Variants in NEK11 observed in about 807,000 individuals in gnomAD.
The protein encoded by NEK11 is serine/threonine-protein kinase Nek11.
A neutral mutation model predicts 80.7 loss-of-function variants in NEK11; 72 were observed. The observed-to-expected ratio is 0.89, with a 90% CI of 0.74 to 1.08. NEK11 has a LOEUF of 1.08. Among genes scored for constraint, NEK11 ranks in the 50% least tolerant of loss-of-function variants. NEK11 has a pLI of 0.00. For missense variants in NEK11, 764 were observed against 763.6 expected, an observed-to-expected ratio of 1.00 and a Z score of -0.01; for synonymous variants, 251 against 260.7, an observed-to-expected ratio of 0.96 and a Z score of 0.36.
intron 4 of NEK11, among the ~76,000 whole-genome samples, chr3:131,107,429 T>C (rs1279436379): frequency 6.6e-6 from 1 of 152,098 alleles, no homozygotes; most frequent in Non-Finnish European, 1.5e-5. Flanking sequence ...CAAATTTTTC[T>C]TTTCCTTTTT....
At chr3:131,179,212 A>G (rs1190652590) in intron 14 of NEK11, among the ~76,000 whole-genome samples, 1 of 152,156 alleles carries the variant, frequency 6.6e-6, no homozygotes, top group Admixed American at 6.5e-5. Flanking sequence ...AGCCCTTACC[A>G]CACAACCGAA....
chr3:131,267,445 T>C (rs940812852), intron 16 of NEK11, among the ~76,000 whole-genome samples: 2 of 152,278 alleles, frequency 1.3e-5, no homozygotes, highest in South Asian at 4.1e-4. Flanking sequence ...CCCTCGCTTA[T>C]GAAGCTTAGT....
At chr3:131,243,415 A>T (rs1194686426) in intron 15 of NEK11, 21 bp from the exon 16 acceptor site, 1 of 1,606,892 alleles carries the variant, frequency 6.2e-7, no homozygotes, top group Admixed American at 1.7e-5. Flanking sequence ...GAAAATAAAC[A>T]TTTCTCCCTT....
intron 4 of NEK11, among the ~76,000 whole-genome samples, chr3:131,107,459 C>T (rs1027538506): frequency 4.0e-5 from 6 of 151,844 alleles, no homozygotes; most frequent in African/African-American, 1.2e-4. Context: ...TGTCTTCATC[C>T]TCTTCTCTCT....
At chr3:131,138,813 G>C (rs1259045114) in intron 7 of NEK11, among the ~76,000 whole-genome samples, 1 of 152,198 alleles carries the variant, frequency 6.6e-6, no homozygotes, top group Non-Finnish European at 1.5e-5. Context: ...AAGAACTACA[G>C]TGTTACTGGG....
chr3:131,073,172 A>G (rs774976576), intron 3 of NEK11, among the ~76,000 whole-genome samples: 2 of 152,164 alleles, frequency 1.3e-5, no homozygotes, highest in African/African-American at 2.4e-5. Flanking sequence ...CAGCCTTGAG[A>G]CATGTGCTCA....
At chr3:131,094,586 C>A (rs567969410) in intron 4 of NEK11, among the ~76,000 whole-genome samples, 57 of 152,298 alleles carry the variant, frequency 3.7e-4, no homozygotes, top group African/African-American at 1.3e-3. Context: ...AGCGCCTCTA[C>A]CACTGGAAAT....
chr3:131,098,775 C>T (rs570617479), intron 4 of NEK11, among the ~76,000 whole-genome samples: 23 of 151,900 alleles, frequency 1.5e-4, no homozygotes, highest in African/African-American at 5.5e-4. Flanking sequence ...GGGGTTTCAC[C>T]ATGTTGGTCA....
intron 17 of NEK11, among the ~76,000 whole-genome samples, chr3:131,298,290 C>G (rs975016988): frequency 6.6e-6 from 1 of 151,946 alleles, no homozygotes; most frequent in Admixed American, 6.6e-5. Context: ...ATTCTTCCTA[C>G]CCATGAGCAT....
intron 6 of NEK11, 103 bp downstream of exon 6, chr3:131,132,912 C>G (rs2084796830): frequency 7.0e-6 from 4 of 569,042 alleles, no homozygotes; most frequent in Non-Finnish European, 6.1e-6. Flanking sequence ...TTAGAGTAAT[C>G]ATTGGTTTGT....
At chr3:131,105,099 A>C (rs1020001220) in intron 4 of NEK11, among the ~76,000 whole-genome samples, 1 of 152,224 alleles carries the variant, frequency 6.6e-6, no homozygotes, top group Admixed American at 6.5e-5. Context: ...TGAGAGCAGC[A>C]TGCACTAACT....
chr3:131,099,695 G>A (rs2078072856), intron 4 of NEK11, among the ~76,000 whole-genome samples: 1 of 151,864 alleles, frequency 6.6e-6, no homozygotes, highest in African/African-American at 2.4e-5. Context: ...TCTATGGTTA[G>A]CTGTATTCCT....
chr3:131,128,288 A>G (rs966796248), intron 5 of NEK11, among the ~76,000 whole-genome samples: 1 of 152,202 alleles, frequency 6.6e-6, no homozygotes, highest in Non-Finnish European at 1.5e-5. Context: ...GCATGGCCCT[A>G]AAAATTCTCT....
At chr3:131,326,749 C>T (rs575277304) in intron 17 of NEK11, among the ~76,000 whole-genome samples, 2 of 152,326 alleles carry the variant, frequency 1.3e-5, no homozygotes, top group South Asian at 2.1e-4. Context: ...GGGACTTACA[C>T]ACCCAGAGCT....
intron 3 of NEK11, among the ~76,000 whole-genome samples, chr3:131,040,305 A>G (rs1040102074): frequency 6.6e-6 from 1 of 151,982 alleles, no homozygotes; most frequent in Admixed American, 6.6e-5. Context: ...ATATGAAAAA[A>G]AAAACACCCA....
intron 15 of NEK11, among the ~76,000 whole-genome samples, chr3:131,242,951 T>C (rs2095541084): frequency 6.6e-6 from 1 of 152,118 alleles, no homozygotes; most frequent in South Asian, 2.1e-4. Context: ...TATTCTTAGA[T>C]TTAGCACTCC....
At chr3:131,233,233 C>A (rs948190589) in intron 15 of NEK11, among the ~76,000 whole-genome samples, 3 of 152,124 alleles carry the variant, frequency 2.0e-5, no homozygotes, top group Non-Finnish European at 4.4e-5. Flanking sequence ...TTGCTGGAGT[C>A]CAGCACTGCG....
At chr3:131,194,992 T>C (rs1298728273) in intron 14 of NEK11, among the ~76,000 whole-genome samples, 2 of 152,162 alleles carry the variant, frequency 1.3e-5, no homozygotes, top group African/African-American at 4.8e-5. Flanking sequence ...CTGCTCATGG[T>C]AATGAGCGTG....
At chr3:131,102,524 A>C in intron 4 of NEK11, among the ~76,000 whole-genome samples, 1 of 152,132 alleles carries the variant, frequency 6.6e-6, no homozygotes, top group Non-Finnish European at 1.5e-5. Context: ...TCTGGCTTGT[A>C]AGGTTTCCGC....
Sources: allele counts gnomAD v4.1 joint callset (sites outside exome capture counted in the v4.1 genomes callset), GRCh38; gene constraint gnomAD v4.1.1; transcripts MANE v1.5; gene names NCBI Gene and HGNC (gene_info 2026-07-23, HGNC 2026-07-21).